TPCN1: variants seen among roughly 807,000 people sequenced by gnomAD.
TPCN1 encodes the protein two pore channel protein 1.
A neutral mutation model predicts 108.8 loss-of-function variants in TPCN1; 52 were observed. That is an observed-to-expected ratio of 0.48 (90% CI 0.38 to 0.60). The LOEUF (loss-of-function observed/expected upper bound fraction) is 0.60, where lower values mean the gene tolerates loss of function less well. Among genes scored for constraint, TPCN1 ranks in the 20% least tolerant of loss-of-function variants. The pLI is 0.00. For missense variants in TPCN1, 806 were observed against 1,072.8 expected, an observed-to-expected ratio of 0.75 and a Z score of 3.47; for synonymous variants, 446 against 433.7, an observed-to-expected ratio of 1.03 and a Z score of -0.35.
At chr12:113,280,474 T>A (rs1432200230) in intron 15 of TPCN1, among the ~76,000 whole-genome samples, 14 of 152,146 alleles carry the variant, frequency 9.2e-5, no homozygotes, top group Non-Finnish European at 2.9e-5. Context: ...GTCTCTTGAG[T>A]TTGTTTTAAT....
Position 113,289,595 on chromosome 12 carries a change from C to T in TPCN1, c.1797-533C>T, listed in dbSNP as rs977132999. On this transcript the variant is annotated intron_variant, in intron 21 of 27. Coordinates refer to ENST00000335509, the MANE Select transcript of TPCN1 (RefSeq NM_017901.6). The surrounding 1 kb of genome is among the most constrained non-coding windows in gnomAD (Gnocchi z 4.1). ...GGAGGAGGCTCCCTGGTGGCCCAAG[C>T]ACTAGACTTTTATAAACATTAGCAT... Among the ~76,000 whole-genome samples, 1 of 152,288 alleles carries T rather than the reference C, an allele frequency of 6.6e-6. No homozygotes were observed. Among genetic ancestry groups the T allele is most frequent in the Admixed American group, 6.5e-5 (1 of 15,304 alleles).
intron 13 of TPCN1, among the ~76,000 whole-genome samples, 197 bp downstream of exon 13, chr12:113,278,434 G>C (rs538820436): frequency 6.6e-6 from 1 of 152,152 alleles, no homozygotes; most frequent in African/African-American, 2.4e-5. Flanking sequence ...CAGTGTCATC[G>C]TTAACAGCAC....
chr12:113,278,635 G>C, intron 13 of TPCN1, 137 bp from the exon 14 acceptor site: 1 of 683,822 alleles, frequency 1.5e-6, no homozygotes, highest in Non-Finnish European at 2.6e-6. Context: ...TGGCTGTGTT[G>C]TCATGTAGAT....
At chr12:113,294,771 C>G (rs1956374310) in intron 27 of TPCN1, among the ~76,000 whole-genome samples, 2 of 152,314 alleles carry the variant, frequency 1.3e-5, no homozygotes, top group South Asian at 2.1e-4. Flanking sequence ...CCATGGGCCA[C>G]CAGCCCATGA....
rs1956144606 is a variant in TPCN1 at position 113,288,097 on chromosome 12, TG to T, written c.1635-65del. The T allele has an allele frequency of 6.8e-7, 1 of 1,474,724 alleles. No individual in the cohort carries two copies. Among genetic ancestry groups the T allele is most frequent in the Non-Finnish European group, 9.3e-7 (1 of 1,071,328 alleles). The allele number at this position is 1,474,724 out of a possible 1,614,324, so 91.4% of individuals were successfully genotyped here. A position where few individuals can be genotyped will look rare whatever the true frequency, so the allele number is the denominator to read the frequency against. ...TGGCGTGTGGAAGGCGGGGCCGGCATGTTCTGAGGGCGGGGGCTGAGGCGTG... is the reference window on the plus strand; with the variant it reads ...TGGCGTGTGGAAGGCGGGGCCGGCATTTCTGAGGGCGGGGGCTGAGGCGTG... On this transcript the variant is annotated intron_variant, in intron 19 of 27. Coordinates refer to ENST00000335509, the MANE Select transcript of TPCN1 (RefSeq NM_017901.6). This position sits in a 1 kb window ranked among gnomAD's most constrained non-coding sequence, Gnocchi z 4.8.
At chr12:113,287,297 C>T (rs1956115859) in intron 19 of TPCN1, 7 of 575,306 alleles carry the variant, frequency 1.2e-5, no homozygotes, top group South Asian at 2.1e-5. Flanking sequence ...CCTCACTGCA[C>T]CAGGTGCCTC....
At chr12:113,243,389 A>G (rs1348910900) in intron 2 of TPCN1, among the ~76,000 whole-genome samples, 3 of 151,616 alleles carry the variant, frequency 2.0e-5, no homozygotes, top group African/African-American at 7.3e-5. Flanking sequence ...AAAATACTAC[A>G]TCCTCCCTTT....
At position 113,268,694 on chromosome 12, in the gene TPCN1, A is replaced by G. The variant is rs1290866618; in HGVS notation, c.529-48A>G. 1.9e-6 allele frequency: 3 copies of G among 1,605,102 alleles called. No individual in the cohort carries two copies. The highest frequency in any genetic ancestry group is 2.6e-6 in the Non-Finnish European group (3 of 1,176,320). The stretch of plus-strand genomic sequence containing the variant: ...CCCCCCGTTCCAGGTATGCAGGATG[A>G]CGGCTGGGCTGCAGGGGCTGACGGT... On this transcript the variant is annotated intron_variant, in intron 5 of 27. Transcript: ENST00000335509. This position sits in a 1 kb window ranked among gnomAD's most constrained non-coding sequence, Gnocchi z 7.3.
chr12:113,291,570 A>T, intron 23 of TPCN1, 39 bp from the exon 24 acceptor site: 1 of 1,590,604 alleles, frequency 6.3e-7, no homozygotes, highest in Non-Finnish European at 8.6e-7. Context: ...CCTGCCCTGC[A>T]TGGGCACCCC....
intron 2 of TPCN1, among the ~76,000 whole-genome samples, chr12:113,247,643 C>G (rs1467253904): frequency 6.6e-6 from 1 of 152,266 alleles, no homozygotes; most frequent in Non-Finnish European, 1.5e-5. Flanking sequence ...AGCTGCACTG[C>G]TGCGTGAAGG....
In TPCN1 at chr12:113,262,069, G is replaced by A. The variant is rs76109726; in HGVS notation, c.237+1577G>A. Among the ~76,000 whole-genome samples, 121 of 152,238 alleles carry A rather than the reference G, an allele frequency of 7.9e-4. No individual in the cohort carries two copies. In the East Asian group the frequency reaches 8.9e-3, roughly 11 times the overall value. On this transcript the variant is annotated intron_variant, in intron 3 of 27. Transcript: ENST00000335509. ...TGTCACTATCAGATTTCAGTTTCTG[G>A]TTTGCATTGAGTAAGAGCTTGGATG...
chr12:113,277,834 C>T (rs1466552836), intron 12 of TPCN1, among the ~76,000 whole-genome samples: 1 of 152,178 alleles, frequency 6.6e-6, no homozygotes, highest in African/African-American at 2.4e-5. Flanking sequence ...CCTGTTTGAG[C>T]TGAACTTGCA....
At chr12:113,249,677 A>G (rs971388124) in intron 2 of TPCN1, 3 of 152,276 alleles carry the variant, frequency 2.0e-5, no homozygotes, top group African/African-American at 7.2e-5. Context: ...AAAACACAAC[A>G]AAAACGAAGT....
intron 2 of TPCN1, among the ~76,000 whole-genome samples, chr12:113,249,110 G>A (rs1006448879): frequency 5.3e-5 from 8 of 152,144 alleles, no homozygotes; most frequent in Admixed American, 6.5e-5. Context: ...ATTCAGCACC[G>A]GTATGGCCAG....
At chr12:113,223,451 TTG>T (rs1953343710) in intron 1 of TPCN1, among the ~76,000 whole-genome samples, 3 of 152,072 alleles carry the variant, frequency 2.0e-5, no homozygotes, top group South Asian at 4.2e-4. Flanking sequence ...TTTTTTTTTT[TTG>T]GTTCTTCTCA....
At chr12:113,248,052 C>T (rs1340282354) in intron 2 of TPCN1, among the ~76,000 whole-genome samples, 2 of 152,222 alleles carry the variant, frequency 1.3e-5, no homozygotes, top group African/African-American at 2.4e-5. Flanking sequence ...AAAACAGCCC[C>T]TCTTCCGCAG....
chr12:113,286,983 G>A lies in TPCN1; in HGVS notation c.1527-4G>A. 6.2e-7 allele frequency: 1 copy of A among 1,612,268 alleles called. No homozygotes were observed. Among genetic ancestry groups the A allele is most frequent in the Non-Finnish European group, 8.5e-7 (1 of 1,178,852 alleles). ...GGTGGACCTTGGCCTCTCCCCTACT[G>A]CAGGTTTGACTTCTCCGTGACAGTG... is the stretch of plus-strand genomic sequence containing the variant. On this transcript the variant is annotated splice_region_variant and splice_polypyrimidine_tract_variant and intron_variant, in intron 18 of 27. Transcript: ENST00000335509.
intron 2 of TPCN1, among the ~76,000 whole-genome samples, chr12:113,259,158 G>A (rs1954928901): frequency 6.6e-6 from 1 of 152,028 alleles, no homozygotes; most frequent in Non-Finnish European, 1.5e-5. Context: ...TGTATTTTTA[G>A]TAGAGTTGAG....
intron 19 of TPCN1, 80 bp downstream of exon 19, chr12:113,287,174 C>T: frequency 1.7e-6 from 2 of 1,148,990 alleles, no homozygotes; most frequent in Non-Finnish European, 1.3e-6. Flanking sequence ...GGGAAGTGAC[C>T]CAGAATGAGC....
Sources: allele counts gnomAD v4.1 joint callset (sites outside exome capture counted in the v4.1 genomes callset), GRCh38; gene constraint gnomAD v4.1.1; non-coding constraint Gnocchi (gnomAD v3.1); transcripts MANE v1.5; gene names NCBI Gene and HGNC (gene_info 2026-07-23, HGNC 2026-07-21).